The following USP34 variants were observed in gnomAD, a reference collection of about 807,000 sequenced individuals.
USP34 encodes the protein ubiquitin specific peptidase 34.
USP34 carries 70 observed loss-of-function variants against 460.3 expected under a neutral mutation model. The observed-to-expected ratio is 0.15, with a 90% confidence interval of 0.13 to 0.19. USP34 has a LOEUF of 0.19. Ranked by LOEUF, USP34 falls within the 10% of genes least tolerant of loss-of-function variation. The probability of loss-of-function intolerance (pLI) is 1.00; values close to 1 mark genes in which losing one functional copy is unlikely to be tolerated. For missense variants in USP34, 3,985 were observed against 4,236.2 expected, an observed-to-expected ratio of 0.94 and a Z score of 1.65; for synonymous variants, 1,647 against 1,405.3, an observed-to-expected ratio of 1.17 and a Z score of -3.85.
At chr2:61,442,417 A>G (rs1212892168) in intron 1 of USP34, among the ~76,000 whole-genome samples, 1 of 151,672 alleles carries the variant, frequency 6.6e-6, no homozygotes, top group Admixed American at 6.6e-5. Flanking sequence ...AAAAAAAAAA[A>G]AAAAGAAAAA....
chr2:61,284,613 T>G (rs1401662541), intron 35 of USP34, among the ~76,000 whole-genome samples: 1 of 152,166 alleles, frequency 6.6e-6, no homozygotes, highest in African/African-American at 2.4e-5. Context: ...AACAAAGTAC[T>G]GGTGAACAGT....
chr2:61,364,299 G>A (rs894976902), intron 10 of USP34, among the ~76,000 whole-genome samples: 1 of 152,164 alleles, frequency 6.6e-6, no homozygotes, highest in Non-Finnish European at 1.5e-5. Context: ...GAGTTTTGAG[G>A]CTGCAGCAGT....
At chr2:61,229,669 T>G in intron 58 of USP34, 36 bp from the exon 59 acceptor site, 1 of 1,539,276 alleles carries the variant, frequency 6.5e-7, no homozygotes, top group Non-Finnish European at 8.9e-7. Flanking sequence ...AAGAGCCAAC[T>G]CATCAGGTAA....
At chr2:61,276,804 G>C (rs1400818784) in intron 41 of USP34, among the ~76,000 whole-genome samples, 1 of 152,162 alleles carries the variant, frequency 6.6e-6, no homozygotes, top group African/African-American at 2.4e-5. Flanking sequence ...GTGCATTAGG[G>C]GAAGTAGCAA....
intron 14 of USP34, 49 bp from the exon 15 acceptor site, chr2:61,348,529 A>G: frequency 6.4e-7 from 1 of 1,562,928 alleles, no homozygotes; most frequent in Non-Finnish European, 8.6e-7. Flanking sequence ...ACCAGTAAGA[A>G]AAAAGGTAAC....
chr2:61,364,160 G>C (rs1692359281), intron 10 of USP34, among the ~76,000 whole-genome samples: 1 of 152,200 alleles, frequency 6.6e-6, no homozygotes. Flanking sequence ...TGAATGGCTT[G>C]AGCCCAAACA....
chr2:61,225,895 T>C (rs1320299242), intron 62 of USP34, among the ~76,000 whole-genome samples: 1 of 152,248 alleles, frequency 6.6e-6, no homozygotes, highest in Non-Finnish European at 1.5e-5. Context: ...ATAAGTCATA[T>C]CATGGCCTTC....
At position 61,227,503 on chromosome 2, in the gene USP34, G is replaced by C. The variant is rs1371405977; in HGVS notation, c.7444-285C>G. Among the ~76,000 whole-genome samples, 5 of 152,236 alleles carry C rather than the reference G, an allele frequency of 3.3e-5. No homozygotes were observed. In the East Asian group the frequency reaches 7.7e-4, roughly 23 times the overall value. On this transcript the variant is annotated intron_variant, in intron 61 of 79. Transcript: ENST00000398571. ...AGGCGGGTGGATCATTTGAGGTCAG[G>C]AGTTCGAGAACAGCCTGGCCGACAT... is the stretch of plus-strand genomic sequence containing the variant.
At chr2:61,398,848 G>A (rs968776895) in intron 3 of USP34, among the ~76,000 whole-genome samples, 2 of 152,246 alleles carry the variant, frequency 1.3e-5, no homozygotes, top group African/African-American at 2.4e-5. Context: ...AAGTCTCAAA[G>A]TAAGTGTTAA....
At chr2:61,237,524 TCTA>T (rs1297594187) in intron 53 of USP34, among the ~76,000 whole-genome samples, 1 of 151,440 alleles carries the variant, frequency 6.6e-6, no homozygotes, top group Non-Finnish European at 1.5e-5. Context: ...TTATACTGTA[TCTA>T]TGTATGTGTA....
At chr2:61,258,744 T>A (rs975556447) in intron 44 of USP34, among the ~76,000 whole-genome samples, 1 of 152,180 alleles carries the variant, frequency 6.6e-6, no homozygotes, top group South Asian at 2.1e-4. Flanking sequence ...GGAATAATAT[T>A]GTAAGATTTA....
chr2:61,464,231 A>G (rs1012560190), intron 1 of USP34, among the ~76,000 whole-genome samples: 1 of 152,274 alleles, frequency 6.6e-6, no homozygotes, highest in South Asian at 2.1e-4. Flanking sequence ...AGGCAGGAGA[A>G]TCACTTGAAG....
intron 75 of USP34, 64 bp downstream of exon 75, chr2:61,203,076 C>A: frequency 7.3e-7 from 1 of 1,374,678 alleles, no homozygotes. Flanking sequence ...TTTTTCTCCC[C>A]TTCCTGAATG....
intron 5 of USP34, among the ~76,000 whole-genome samples, chr2:61,384,568 G>A (rs1693079199): frequency 6.6e-6 from 1 of 152,116 alleles, no homozygotes; most frequent in Non-Finnish European, 1.5e-5. Context: ...AGCACTCTGG[G>A]AGGTTGAGGT....
intron 69 of USP34, 68 bp downstream of exon 69, chr2:61,211,704 T>C (rs1158088849): frequency 7.0e-7 from 1 of 1,422,688 alleles, no homozygotes; most frequent in African/African-American, 1.5e-5. Flanking sequence ...GATTTATCTT[T>C]AAACATCAAA....
At chr2:61,237,528 T>C (rs1001707256) in intron 53 of USP34, among the ~76,000 whole-genome samples, 15 of 151,430 alleles carry the variant, frequency 9.9e-5, no homozygotes, top group Admixed American at 4.0e-4. Context: ...ACTGTATCTA[T>C]GTATGTGTAT....
intron 7 of USP34, 54 bp downstream of exon 7, chr2:61,380,102 TGGGTAGTATTATG>T: frequency 7.2e-7 from 1 of 1,387,310 alleles, no homozygotes; most frequent in South Asian, 1.4e-5. Context: ...CCATAAATAG[TGGGTAGTATTATG>T]ATAGACCAGA....
intron 1 of USP34, among the ~76,000 whole-genome samples, chr2:61,424,203 G>T (rs750830750): frequency 6.6e-6 from 1 of 152,066 alleles, no homozygotes; most frequent in East Asian, 1.9e-4. Context: ...CTACTATACG[G>T]TGTATAAATA....
At chr2:61,417,719 C>CTTTTTTTTTTTTTTTTTTTTTTTTT (rs201901250) in intron 2 of USP34, among the ~76,000 whole-genome samples, 1 of 130,756 alleles carries the variant, frequency 7.6e-6, no homozygotes, top group Non-Finnish European at 1.6e-5. Flanking sequence ...ATACTAAAAT[C>CTTTTTTTTTTTTTTTTTTTTTTTTT]TTTTTTTTTT....
Sources: gnomAD v4.1 joint callset for allele counts (sites outside exome capture counted in the v4.1 genomes callset) on GRCh38, gnomAD v4.1.1 for gene constraint, MANE v1.5 for transcripts, NCBI Gene and HGNC (gene_info 2026-07-23, HGNC 2026-07-21) for gene names.